PROS1: variants seen among roughly 807,000 people sequenced by gnomAD.
The protein encoded by PROS1 is vitamin K-dependent protein S.
PROS1 carries 29 observed loss-of-function variants against 75.9 expected under a neutral mutation model. The ratio of observed to expected loss-of-function variants is 0.38; its 90% CI spans 0.28 to 0.52. The LOEUF (loss-of-function observed/expected upper bound fraction) is 0.52. Among genes scored for constraint, PROS1 ranks in the 20% least tolerant of loss-of-function variants. The pLI, the probability that PROS1 is intolerant of heterozygous loss-of-function variation, is 0.83. For synonymous variants in PROS1, 245 were observed against 280.6 expected (o/e 0.87, Z 1.27); for missense variants, 680 against 810.3 (o/e 0.84, Z 1.95).
intron 1 of PROS1, among the ~76,000 whole-genome samples, chr3:93,929,686 A>G (rs1226980737): frequency 6.6e-6 from 1 of 152,250 alleles, no homozygotes; most frequent in Admixed American, 6.5e-5. Context: ...GTGGAAAAAT[A>G]CACAGAAAAG....
At chr3:93,906,804 C>A (rs2107172569) in intron 4 of PROS1, among the ~76,000 whole-genome samples, 1 of 152,318 alleles carries the variant, frequency 6.6e-6, no homozygotes, top group Admixed American at 6.5e-5. Flanking sequence ...TCCTGGCACC[C>A]ACTCTGGTCA....
intron 4 of PROS1, among the ~76,000 whole-genome samples, chr3:93,909,768 A>C (rs1451661019): frequency 6.6e-6 from 1 of 152,108 alleles, no homozygotes; most frequent in African/African-American, 2.4e-5. Flanking sequence ...AACCTAGCTA[A>C]CGCCTAATTA....
chr3:93,921,704 A>T (rs1394953693), intron 3 of PROS1, among the ~76,000 whole-genome samples: 1 of 152,088 alleles, frequency 6.6e-6, no homozygotes, highest in Admixed American at 6.6e-5. Context: ...AATATTTTTA[A>T]TCTGTGTTGA....
intron 4 of PROS1, among the ~76,000 whole-genome samples, chr3:93,910,144 A>G (rs1157050682): frequency 6.6e-6 from 1 of 152,228 alleles, no homozygotes; most frequent in African/African-American, 2.4e-5. Flanking sequence ...AAAAGAGTCA[A>G]AAATAATGTA....
chr3:93,944,899 A>T (rs186503686), intron 1 of PROS1, among the ~76,000 whole-genome samples: 10 of 152,276 alleles, frequency 6.6e-5, no homozygotes, highest in Non-Finnish European at 1.0e-4. Context: ...AACAAAATTG[A>T]TAGAATAATA....
intron 3 of PROS1, among the ~76,000 whole-genome samples, chr3:93,913,897 C>A (rs1199333004): frequency 2.0e-5 from 3 of 152,146 alleles, no homozygotes; most frequent in African/African-American, 7.2e-5. Flanking sequence ...TAGACGTTTC[C>A]ATTACAAAAA....
intron 8 of PROS1, among the ~76,000 whole-genome samples, chr3:93,897,281 ATGGTAT>A (rs1455673849): frequency 6.6e-6 from 1 of 152,118 alleles, no homozygotes; most frequent in East Asian, 1.9e-4. Flanking sequence ...GTCATCACAT[ATGGTAT>A]CAAGTATTTT....
At chr3:93,911,742 C>A (rs1424236418) in intron 3 of PROS1, among the ~76,000 whole-genome samples, 1 of 152,184 alleles carries the variant, frequency 6.6e-6, no homozygotes, top group East Asian at 1.9e-4. Context: ...TCTTTCATGA[C>A]AGCTAGCTTC....
At chr3:93,959,249 G>T (rs968179636) in intron 1 of PROS1, among the ~76,000 whole-genome samples, 1 of 152,126 alleles carries the variant, frequency 6.6e-6, no homozygotes, top group Non-Finnish European at 1.5e-5. Context: ...AGAAGGTCGA[G>T]GCTGCGATGA....
chr3:93,891,523 GT>G (rs1708430748), intron 10 of PROS1, among the ~76,000 whole-genome samples: 1 of 152,106 alleles, frequency 6.6e-6, no homozygotes, highest in South Asian at 2.1e-4. Flanking sequence ...CGCCTCCTGG[GT>G]TTAAATGATT....
At chr3:93,941,773 G>A (rs898526494) in intron 1 of PROS1, among the ~76,000 whole-genome samples, 7 of 152,090 alleles carry the variant, frequency 4.6e-5, no homozygotes, top group East Asian at 1.9e-4. Flanking sequence ...GCCTCCGTGC[G>A]GCAGCTGCTA....
intron 10 of PROS1, among the ~76,000 whole-genome samples, chr3:93,891,473 G>A (rs1708429835): frequency 6.6e-6 from 1 of 152,068 alleles, no homozygotes; most frequent in Non-Finnish European, 1.5e-5. Flanking sequence ...TGTCACCCAG[G>A]CTGGAGTGCA....
At chr3:93,883,552 G>A (rs1708303603) in intron 12 of PROS1, among the ~76,000 whole-genome samples, 2 of 151,046 alleles carry the variant, frequency 1.3e-5, no homozygotes, top group East Asian at 3.9e-4. Context: ...CGAGATTGTG[G>A]CACTGAGCTC....
chr3:93,924,180 G>T, intron 3 of PROS1, 60 bp downstream of exon 3: 1 of 1,166,944 alleles, frequency 8.6e-7, no homozygotes, highest in South Asian at 1.8e-5. Flanking sequence ...AGTTAGACAG[G>T]AACATATCTA....
At chr3:93,899,830 G>C (rs1000701029) in intron 7 of PROS1, among the ~76,000 whole-genome samples, 11 of 152,110 alleles carry the variant, frequency 7.2e-5, no homozygotes, top group Admixed American at 1.3e-4. Context: ...GTTTCTGTTG[G>C]GGCTGATGAA....
chr3:93,947,035 G>A (rs1373586554), intron 1 of PROS1, among the ~76,000 whole-genome samples: 2 of 152,150 alleles, frequency 1.3e-5, no homozygotes, highest in Non-Finnish European at 2.9e-5. Flanking sequence ...CTCAAAAGAA[G>A]ACATTTATGC....
At chr3:93,897,988 C>T (rs1559933070) in intron 8 of PROS1, among the ~76,000 whole-genome samples, 2 of 152,044 alleles carry the variant, frequency 1.3e-5, no homozygotes, top group Non-Finnish European at 2.9e-5. Flanking sequence ...TAAAACTGCA[C>T]TTGTACCCTC....
intron 1 of PROS1, among the ~76,000 whole-genome samples, chr3:93,935,555 T>C (rs2107216196): frequency 6.6e-6 from 1 of 152,258 alleles, no homozygotes; most frequent in African/African-American, 2.4e-5. Context: ...ATTCTCCTAA[T>C]TTTGCAATAT....
At chr3:93,905,692 A>T (rs1708663751) in intron 6 of PROS1, 92 bp downstream of exon 6, 1 of 1,381,916 alleles carries the variant, frequency 7.2e-7, no homozygotes, top group Non-Finnish European at 1.0e-6. Context: ...GCACTTACAT[A>T]TCATTTTTCC....
Sources: allele counts gnomAD v4.1 joint callset (sites outside exome capture counted in the v4.1 genomes callset), GRCh38; gene constraint gnomAD v4.1.1; transcripts MANE v1.5; gene names NCBI Gene and HGNC (gene_info 2026-07-23, HGNC 2026-07-21).